AGBL1: variants seen among roughly 807,000 people sequenced by gnomAD.
The protein encoded by AGBL1 is cytosolic carboxypeptidase 4.
Under a neutral mutation model 118.9 loss-of-function variants are expected in AGBL1, and 130 were observed. The ratio of observed to expected loss-of-function variants is 1.09; its 90% CI spans 0.95 to 1.26. AGBL1 has a LOEUF of 1.26. Among genes scored for constraint, AGBL1 ranks in the 50% most tolerant of loss-of-function variants. The pLI, the probability that AGBL1 is intolerant of heterozygous loss-of-function variation, is 0.00. For synonymous variants in AGBL1, 555 were observed against 478.9 expected (o/e 1.16, Z -2.08); for missense variants, 1,584 against 1,298.1 (o/e 1.22, Z -3.38).
At chr15:86,750,925 A>G (rs1009195376) in intron 22 of AGBL1, among the ~76,000 whole-genome samples, 5 of 152,068 alleles carry the variant, frequency 3.3e-5, no homozygotes, top group Admixed American at 2.6e-4. Context: ...TTTGCCGAGG[A>G]TAATGGCTTC....
Position 86,330,602 on chromosome 15 carries a change from C to T in AGBL1, c.2374+35194C>T, listed in dbSNP as rs984384145. 9.2e-5 allele frequency among the ~76,000 whole-genome samples: 14 copies of T among 152,246 alleles called. No homozygotes were observed. The East Asian group carries it at 9.7e-4, about 10-fold the overall frequency. ...ATGTAGTGATACCACCAAAGGATCTCGCTAGCTCTCCAGCAATGGTCTCTA... is the reference window on the plus strand; with the variant it reads ...ATGTAGTGATACCACCAAAGGATCTTGCTAGCTCTCCAGCAATGGTCTCTA... On this transcript the variant is annotated intron_variant, in intron 17 of 22. Transcript: ENST00000614907.
At chr15:86,455,742 A>T (rs547903092) in intron 18 of AGBL1, among the ~76,000 whole-genome samples, 3 of 152,168 alleles carry the variant, frequency 2.0e-5, no homozygotes, top group African/African-American at 7.2e-5. Flanking sequence ...TCTGAGGTAC[A>T]TATCATCATC....
intron 16 of AGBL1, among the ~76,000 whole-genome samples, chr15:86,288,818 G>T (rs946960863): frequency 6.6e-6 from 1 of 152,022 alleles, no homozygotes; most frequent in Non-Finnish European, 1.5e-5. Context: ...ACTCCGAGAA[G>T]AATTTTTTCT....
chr15:86,625,384 TGTTTTTTTTTTTTTTTA>T (rs2084871049), intron 21 of AGBL1, among the ~76,000 whole-genome samples: 1 of 41,150 alleles, frequency 2.4e-5, no homozygotes. Context: ...TTTTTGTTTT[TGTTTTTTTTTTTTTTTA>T]CAAACACAGA....
chr15:86,102,763 G>A (rs1438974842), intron 1 of AGBL1, among the ~76,000 whole-genome samples: 1 of 152,210 alleles, frequency 6.6e-6, no homozygotes, highest in East Asian at 1.9e-4. Context: ...GTGCTGTGGA[G>A]AAGATGTTTT....
chr15:86,082,931 A>T (rs1011677942), intron 1 of AGBL1, among the ~76,000 whole-genome samples: 2 of 152,352 alleles, frequency 1.3e-5, no homozygotes, highest in African/African-American at 2.4e-5. Flanking sequence ...TCGGCTGTTT[A>T]TCCTTATGAA....
At chr15:86,599,352 A>T (rs889237372) in intron 21 of AGBL1, among the ~76,000 whole-genome samples, 1 of 151,906 alleles carries the variant, frequency 6.6e-6, no homozygotes, top group African/African-American at 2.4e-5. Context: ...TTTAGCTGCC[A>T]TAAAGCCCAG....
At chr15:86,623,363 G>T (rs1044989533) in intron 21 of AGBL1, among the ~76,000 whole-genome samples, 1 of 152,196 alleles carries the variant, frequency 6.6e-6, no homozygotes, top group African/African-American at 2.4e-5. Context: ...GGGTTTGAGG[G>T]CAACAGCTAC....
intron 22 of AGBL1, among the ~76,000 whole-genome samples, chr15:86,684,319 A>G (rs1381025091): frequency 6.6e-6 from 1 of 152,116 alleles, no homozygotes; most frequent in Non-Finnish European, 1.5e-5. Context: ...CCAATTGCCA[A>G]GTTGCCCCCT....
At position 86,379,409 on chromosome 15, in the gene AGBL1, T is replaced by C. The variant is rs571315171; in HGVS notation, c.2375-17957T>C. Among the ~76,000 whole-genome samples the C allele has an allele frequency of 6.5e-4, 99 of 152,318 alleles. 2 individuals are homozygous for C. In the South Asian group the frequency reaches 0.019, roughly 29 times the overall value. On this transcript the variant is annotated intron_variant, in intron 17 of 22. Transcript: ENST00000614907. ...TACAGAAAACTTTTTAAAGTCAAAT[T>C]TGAGTGGTTCTCATTCAAACTAGAT...
At chr15:86,894,158 C>G (rs2141564040) in intron 22 of AGBL1, among the ~76,000 whole-genome samples, 1 of 152,248 alleles carries the variant, frequency 6.6e-6, no homozygotes, top group East Asian at 1.9e-4. Flanking sequence ...GGTGTTTTCT[C>G]CATGTATTTC....
At chr15:86,671,778 G>T (rs367777723) in intron 21 of AGBL1, among the ~76,000 whole-genome samples, 5 of 152,174 alleles carry the variant, frequency 3.3e-5, no homozygotes, top group African/African-American at 4.8e-5. Flanking sequence ...GTATCTGAGA[G>T]ATAAAAATCC....
chr15:86,784,884 A>G (rs1044116813), intron 22 of AGBL1, among the ~76,000 whole-genome samples: 17 of 152,182 alleles, frequency 1.1e-4, no homozygotes, highest in African/African-American at 4.1e-4. Flanking sequence ...TTGTACTACT[A>G]TCTTTGCAAC....
intron 17 of AGBL1, among the ~76,000 whole-genome samples, chr15:86,360,135 CTT>C (rs2080780675): frequency 6.6e-6 from 1 of 151,868 alleles, no homozygotes; most frequent in Non-Finnish European, 1.5e-5. Context: ...TGAGGGAACA[CTT>C]TTGGCTTTCC....
intron 19 of AGBL1, among the ~76,000 whole-genome samples, chr15:86,534,198 G>A: frequency 6.6e-6 from 1 of 151,054 alleles, no homozygotes; most frequent in Non-Finnish European, 1.5e-5. Context: ...AGGTCTACAA[G>A]GAAACTGGAG....
chr15:86,785,811 T>C (rs776394786), intron 22 of AGBL1, among the ~76,000 whole-genome samples: 6 of 152,136 alleles, frequency 3.9e-5, no homozygotes, highest in Non-Finnish European at 8.8e-5. Context: ...AACTGAGTTA[T>C]AGGGCAACTG....
chr15:86,578,042 C>G (rs1032812561), intron 21 of AGBL1, among the ~76,000 whole-genome samples: 8 of 152,164 alleles, frequency 5.3e-5, no homozygotes, highest in Non-Finnish European at 1.0e-4. Flanking sequence ...CACCGTCCTC[C>G]AGACCCCAGA....
intron 2 of AGBL1, 33 bp from the exon 3 acceptor site, chr15:86,143,666 T>C (rs1379387530): frequency 6.2e-7 from 1 of 1,609,210 alleles, no homozygotes; most frequent in Admixed American, 1.7e-5. Context: ...GGATTATTAC[T>C]TGTGGCTCAT....
intron 18 of AGBL1, among the ~76,000 whole-genome samples, chr15:86,456,086 T>C (rs1262895101): frequency 6.6e-6 from 1 of 152,206 alleles, no homozygotes; most frequent in Non-Finnish European, 1.5e-5. Flanking sequence ...TGTATATTTT[T>C]CTATATGTCA....
Sources: gnomAD v4.1 joint callset for allele counts (sites outside exome capture counted in the v4.1 genomes callset) on GRCh38, gnomAD v4.1.1 for gene constraint, MANE v1.5 for transcripts, NCBI Gene and HGNC (gene_info 2026-07-23, HGNC 2026-07-21) for gene names.